CLMN: variants seen among roughly 807,000 people sequenced by gnomAD.
CLMN encodes the protein calmin.
In CLMN, 57 loss-of-function variants were observed where a neutral mutation model predicts 92.7. The ratio of observed to expected loss-of-function variants is 0.61; its 90% CI spans 0.50 to 0.77. The LOEUF (loss-of-function observed/expected upper bound fraction) is 0.77, where lower values mean the gene tolerates loss of function less well. CLMN is among the 30% of genes least tolerant of loss of function. The pLI, the probability that CLMN is intolerant of heterozygous loss-of-function variation, is 0.00. For synonymous variants in CLMN, 466 were observed against 470.6 expected (o/e 0.99, Z 0.13); for missense variants, 1,158 against 1,237.5 (o/e 0.94, Z 0.96).
At chr14:95,265,719 G>A (rs1423170219) in intron 1 of CLMN, among the ~76,000 whole-genome samples, 1 of 152,198 alleles carries the variant, frequency 6.6e-6, no homozygotes. Flanking sequence ...AAGAAACAAG[G>A]CATTCTTTTC....
chr14:95,299,846 A>C (rs1900969478), intron 1 of CLMN, among the ~76,000 whole-genome samples: 1 of 152,196 alleles, frequency 6.6e-6, no homozygotes, highest in African/African-American at 2.4e-5. Flanking sequence ...CATTAGAACT[A>C]GCTCAATAGT....
chr14:95,258,376 T>C (rs1217125474), intron 1 of CLMN, among the ~76,000 whole-genome samples: 1 of 147,736 alleles, frequency 6.8e-6, no homozygotes, highest in African/African-American at 2.5e-5. Flanking sequence ...GGGGTGTGTA[T>C]ATGTGTATGT....
chr14:95,302,260 A>G (rs1307141081), intron 1 of CLMN, among the ~76,000 whole-genome samples: 1 of 152,052 alleles, frequency 6.6e-6, no homozygotes, highest in Non-Finnish European at 1.5e-5. Context: ...AGATCGCGCC[A>G]CTACACTCCA....
At chr14:95,218,279 T>TTACAATATACCC (rs1397362898) in intron 4 of CLMN, among the ~76,000 whole-genome samples, 1 of 152,176 alleles carries the variant, frequency 6.6e-6, no homozygotes, top group Non-Finnish European at 1.5e-5. Context: ...TCAGTTCCTT[T>TTACAATATACCC]AGTGTTTACA....
rs554140742 is a variant in CLMN at position 95,282,532 on chromosome 14, GC to G, written c.82+37178del. Among the ~76,000 whole-genome samples, 104 of 152,320 alleles carry G rather than the reference GC, an allele frequency of 6.8e-4. No homozygotes were observed. The East Asian group carries it at 0.02, about 29-fold the overall frequency. ...GGCAATGCAGGCTGAGCTGGTTCAG[GC>G]CCAAATGAGAACTGAGTGGCCAGAA... is the stretch of plus-strand genomic sequence containing the variant. On this transcript the variant is annotated intron_variant, in intron 1 of 12. Coordinates refer to ENST00000298912, the MANE Select transcript of CLMN (RefSeq NM_024734.4).
intron 3 of CLMN, among the ~76,000 whole-genome samples, chr14:95,222,755 C>A (rs569701236): frequency 6.6e-6 from 1 of 152,324 alleles, no homozygotes; most frequent in East Asian, 1.9e-4. Context: ...TAGCCCTCTG[C>A]GGGTGCCGCT....
Position 95,203,891 on chromosome 14 carries a change from A to T in CLMN, c.1458T>A (p.Ser486=), listed in dbSNP as rs1440197117. ...QESSKIPESS[S]DKVAGDIFLV... ...AAAAAATGTCACCAGCGACCTTGTC[A>T]GAGGAGGATTCTGGAATCTTCGAGG... The change falls in exon 9 of 13, where the codon TCT becomes TCA. Residue 486 remains serine, a synonymous_variant. Transcript: ENST00000298912. The T allele has an allele frequency of 8.1e-6, 13 of 1,614,094 alleles. No homozygotes were observed. Among genetic ancestry groups the T allele is most frequent in the Admixed American group, 1.7e-5 (1 of 60,010 alleles).
intron 1 of CLMN, among the ~76,000 whole-genome samples, chr14:95,311,703 G>A (rs1465695255): frequency 6.6e-6 from 1 of 152,122 alleles, no homozygotes; most frequent in Non-Finnish European, 1.5e-5. Context: ...CCCAACCCTG[G>A]CTTCCGTCCT....
chr14:95,193,086 C>T (rs1463164367), intron 12 of CLMN: 8 of 468,716 alleles, frequency 1.7e-5, no homozygotes, highest in East Asian at 1.1e-4. Flanking sequence ...CAGAGGCTTC[C>T]GATTCCAGTA....
At chr14:95,269,283 T>C (rs1296380294) in intron 1 of CLMN, among the ~76,000 whole-genome samples, 1 of 152,224 alleles carries the variant, frequency 6.6e-6, no homozygotes, top group African/African-American at 2.4e-5. Flanking sequence ...CAATAAAAAA[T>C]CTTATGATTT....
At chr14:95,209,231 C>A (rs1049042470) in intron 8 of CLMN, among the ~76,000 whole-genome samples, 164 bp downstream of exon 8, 7 of 152,174 alleles carry the variant, frequency 4.6e-5, no homozygotes, top group Non-Finnish European at 1.0e-4. Context: ...AACTATCATT[C>A]TGAAATTAAA....
In CLMN at chr14:95,191,642, C is replaced by A; in HGVS notation, c.2931G>T (p.Met977Ile). The A allele has an allele frequency of 1.2e-6, 2 of 1,613,802 alleles. No homozygotes were observed. The highest frequency in any genetic ancestry group is 8.5e-7 in the Non-Finnish European group (1 of 1,179,984). The change falls in exon 13 of 13, where the codon ATG becomes ATT. Residue 977 changes from methionine to isoleucine, a missense_variant. Met to Ile is a conservative substitution (Grantham distance 10). Coordinates refer to ENST00000298912, the MANE Select transcript of CLMN (RefSeq NM_024734.4). This position sits in a 1 kb window ranked among gnomAD's most constrained non-coding sequence, Gnocchi z 5.3. ...SLTQLVQQPD[M>I]MYFILFLWLL... ...GCCACAGGAAGAGAATAAAATACAT[C>A]ATATCCGGCTGCTGGACAAGCTGTG...
chr14:95,315,665 C>T (rs375114970), intron 1 of CLMN, among the ~76,000 whole-genome samples: 3 of 152,222 alleles, frequency 2.0e-5, no homozygotes, highest in Admixed American at 6.5e-5. Flanking sequence ...CCAGAACCTA[C>T]GCAGTCAAGT....
chr14:95,183,042 T>C lies in CLMN; in HGVS notation c.*8522A>G, dbSNP rs1321214695. On this transcript the variant is annotated 3_prime_UTR_variant, in exon 13 of 13. Transcript: ENST00000298912. ...TTGCTTTAAGCAAATAGGCCACTTA[T>C]TGAGATAAATAAAAACTACCTTCGT... 2 of 152,226 alleles carry C rather than the reference T, an allele frequency of 1.3e-5. No homozygotes were observed. Among genetic ancestry groups the C allele is most frequent in the Non-Finnish European group, 2.9e-5 (2 of 68,040 alleles). 9.4% of individuals were successfully genotyped at this position (152,226 alleles called of 1,614,324 possible). A position where few individuals can be genotyped will look rare whatever the true frequency, so the allele number is the denominator to read the frequency against.
At chr14:95,311,856 G>T (rs1050498008) in intron 1 of CLMN, among the ~76,000 whole-genome samples, 5 of 151,838 alleles carry the variant, frequency 3.3e-5, no homozygotes, top group Non-Finnish European at 5.9e-5. Context: ...ACATAGAGGC[G>T]ACCACTGTGA....
At chr14:95,210,645 T>A in intron 7 of CLMN, 41 bp downstream of exon 7, 1 of 1,571,358 alleles carries the variant, frequency 6.4e-7, no homozygotes, top group Non-Finnish European at 8.6e-7. Context: ...GGTACATTTG[T>A]AAAAAAAAAT....
intron 1 of CLMN, among the ~76,000 whole-genome samples, chr14:95,309,552 C>T (rs1901437494): frequency 6.6e-6 from 1 of 152,252 alleles, no homozygotes; most frequent in Non-Finnish European, 1.5e-5. Flanking sequence ...ACCACCTTCT[C>T]TGGCCTCCTA....
intron 4 of CLMN, among the ~76,000 whole-genome samples, chr14:95,219,941 C>T (rs577198707): frequency 2.0e-5 from 3 of 152,228 alleles, no homozygotes; most frequent in East Asian, 3.9e-4. Flanking sequence ...CCTGTACCCT[C>T]GAGCTACCAC....
At chr14:95,218,711 C>G (rs1443105336) in intron 4 of CLMN, among the ~76,000 whole-genome samples, 1 of 152,234 alleles carries the variant, frequency 6.6e-6, no homozygotes, top group Admixed American at 6.5e-5. Context: ...CCCACCGGGC[C>G]ATTCACTTGT....
Sources: allele counts gnomAD v4.1 joint callset (sites outside exome capture counted in the v4.1 genomes callset), GRCh38; gene constraint gnomAD v4.1.1; non-coding constraint Gnocchi (gnomAD v3.1); transcripts MANE v1.5; gene names NCBI Gene and HGNC (gene_info 2026-07-23, HGNC 2026-07-21).